Variants in MAP4K5 observed in about 807,000 individuals in gnomAD.
MAP4K5 encodes MAPK/ERK kinase kinase kinase 5.
A neutral mutation model predicts 135.6 loss-of-function variants in MAP4K5; 82 were observed. That is an observed-to-expected ratio of 0.60 (90% confidence interval 0.51 to 0.73). The LOEUF (loss-of-function observed/expected upper bound fraction) is 0.73, where lower values mean the gene tolerates loss of function less well. Ranked by LOEUF, MAP4K5 falls within the 30% of genes least tolerant of loss-of-function variation. The pLI is 0.00. For missense variants in MAP4K5, 907 were observed against 1,010.9 expected (o/e 0.90, Z 1.39); for synonymous variants, 347 against 335.0 (o/e 1.04, Z -0.39).
rs146342006 is a variant in MAP4K5 at position 50,443,687 on chromosome 14, A to C, written c.1479+42T>G. ...AGCCAATATATTGCTGCTTCTAAAG[A>C]GAGAAAAAACGGCAAATAGTTCACA... On this transcript the variant is annotated intron_variant, in intron 20 of 32. Transcript: ENST00000682126. 4 of 1,529,156 alleles carry C rather than the reference A, an allele frequency of 2.6e-6. No individual in the cohort carries two copies. In the African/African-American group the frequency reaches 5.6e-5, roughly 21 times the overall value. 94.7% of individuals were successfully genotyped at this position (1,529,156 alleles called of 1,614,324 possible). A position where few individuals can be genotyped will look rare whatever the true frequency, so the allele number is the denominator to read the frequency against.
intron 14 of MAP4K5, among the ~76,000 whole-genome samples, chr14:50,455,320 C>T (rs1299519933): frequency 1.3e-5 from 2 of 151,730 alleles, no homozygotes; most frequent in Non-Finnish European, 2.9e-5. Context: ...ACACAAAACC[C>T]AAAACTATAC....
chr14:50,556,617 T>C (rs1023906697), intron 1 of MAP4K5, among the ~76,000 whole-genome samples: 1 of 152,186 alleles, frequency 6.6e-6, no homozygotes, highest in Non-Finnish European at 1.5e-5. Context: ...TCATACTCAT[T>C]AGCAGTCACT....
chr14:50,492,136 C>T (rs1403890535), intron 3 of MAP4K5, among the ~76,000 whole-genome samples: 1 of 152,062 alleles, frequency 6.6e-6, no homozygotes, highest in Non-Finnish European at 1.5e-5. Flanking sequence ...AAATTATTAA[C>T]GTGATGCTTC....
At chr14:50,420,298 T>C (rs1407494734) in intron 32 of MAP4K5, among the ~76,000 whole-genome samples, 192 bp from the exon 33 acceptor site, 6 of 152,170 alleles carry the variant, frequency 3.9e-5, no homozygotes, top group African/African-American at 1.4e-4. Flanking sequence ...ATATAAAATA[T>C]TGAAGACATT....
chr14:50,465,275 TA>T (rs1566658633), intron 11 of MAP4K5, among the ~76,000 whole-genome samples: 1 of 152,132 alleles, frequency 6.6e-6, no homozygotes, highest in African/African-American at 2.4e-5. Flanking sequence ...AAAATGGATA[TA>T]CATACAGAAT....
At chr14:50,484,280 G>A (rs1330177342) in intron 5 of MAP4K5, among the ~76,000 whole-genome samples, 3 of 152,142 alleles carry the variant, frequency 2.0e-5, no homozygotes, top group Non-Finnish European at 2.9e-5. Flanking sequence ...TAATAAAGAG[G>A]TAGTGATCAG....
intron 2 of MAP4K5, among the ~76,000 whole-genome samples, chr14:50,526,032 T>TC (rs1489649432): frequency 6.6e-6 from 1 of 152,194 alleles, no homozygotes; most frequent in Admixed American, 6.5e-5. Flanking sequence ...TGCAGATCTC[T>TC]CAAAACTCAT....
intron 13 of MAP4K5, among the ~76,000 whole-genome samples, chr14:50,460,497 T>C (rs754656524): frequency 6.6e-6 from 1 of 152,198 alleles, no homozygotes; most frequent in Non-Finnish European, 1.5e-5. Context: ...AATTGGAGAA[T>C]AGAGTAATAT....
chr14:50,441,797 C>CACACACACACACACACACAT (rs1491145074), intron 21 of MAP4K5, among the ~76,000 whole-genome samples: 1 of 132,520 alleles, frequency 7.5e-6, no homozygotes, highest in African/African-American at 3.1e-5. Context: ...CACACACACA[C>CACACACACACACACACACAT]ATATATATAC....
At chr14:50,440,339 C>A (rs1356269465) in intron 22 of MAP4K5, 23 bp downstream of exon 22, 2 of 1,472,834 alleles carry the variant, frequency 1.4e-6, no homozygotes, top group Admixed American at 1.8e-5. Context: ...AAATTAATTT[C>A]TTGAATTAAA....
At chr14:50,442,506 G>T (rs2036251424) in intron 21 of MAP4K5, among the ~76,000 whole-genome samples, 1 of 152,022 alleles carries the variant, frequency 6.6e-6, no homozygotes, top group Non-Finnish European at 1.5e-5. Flanking sequence ...GCAATCAGTT[G>T]TGATTTCTCT....
rs1175584302 is a variant in MAP4K5, at chr14:50,466,627, T to G, written c.693A>C (p.Ser231=). Residue 231 remains serine (S), a synonymous_variant, in exon 11 of 33, where the codon TCA becomes TCC. Coordinates refer to ENST00000682126, the MANE Select transcript of MAP4K5 (RefSeq NM_006575.6). ...GTTTTGGAGGCTGAAAATTACTTTT[T>G]GACATTAAGAAGAGAGCCCTGAAAT... ...LHPMRALFLM[S]KSNFQPPKLK... The G allele has an allele frequency of 4.1e-6, 6 of 1,453,092 alleles. No individual in the cohort carries two copies. Among genetic ancestry groups the G allele is most frequent in the Non-Finnish European group, 5.7e-6 (6 of 1,058,474 alleles). 90.0% of individuals were successfully genotyped at this position (1,453,092 alleles called of 1,614,324 possible).
At chr14:50,466,336 C>A (rs1262156530) in intron 11 of MAP4K5, among the ~76,000 whole-genome samples, 1 of 131,972 alleles carries the variant, frequency 7.6e-6, no homozygotes, top group Non-Finnish European at 1.5e-5. Flanking sequence ...GAGTTATGAT[C>A]ATGACACTGC....
upstream of MAP4K5, chr14:50,532,911 A>T (rs2038436511): frequency 6.6e-6 from 1 of 152,322 alleles, no homozygotes; most frequent in Non-Finnish European, 1.5e-5. Context: ...AAGAAGGGCG[A>T]TGGGAACGTA....
At chr14:50,428,874 T>C (rs1042776991) in intron 29 of MAP4K5, 120 bp from the exon 30 acceptor site, 25 of 659,312 alleles carry the variant, frequency 3.8e-5, no homozygotes, top group Non-Finnish European at 5.7e-5. Flanking sequence ...CAACTATTTA[T>C]CTTGAGTCAG....
intron 18 of MAP4K5, among the ~76,000 whole-genome samples, chr14:50,444,779 T>A (rs2036305605): frequency 6.6e-6 from 1 of 152,160 alleles, no homozygotes; most frequent in Non-Finnish European, 1.5e-5. Context: ...AAACATGCAT[T>A]CACCCTTCTA....
chr14:50,446,818 T>C (rs1187728138), intron 16 of MAP4K5, among the ~76,000 whole-genome samples: 1 of 152,226 alleles, frequency 6.6e-6, no homozygotes, highest in Non-Finnish European at 1.5e-5. Flanking sequence ...ATACATAAAC[T>C]AATAAGCATA....
chr14:50,485,715 C>T (rs2037349420), intron 4 of MAP4K5, 73 bp from the exon 5 acceptor site: 8 of 880,680 alleles, frequency 9.1e-6, no homozygotes, highest in Non-Finnish European at 1.3e-5. Context: ...GGCTCTCACT[C>T]TTTAGCACAC....
chr14:50,512,175 G>C (rs1448617277), intron 2 of MAP4K5, among the ~76,000 whole-genome samples: 1 of 152,050 alleles, frequency 6.6e-6, no homozygotes, highest in Admixed American at 6.6e-5. Flanking sequence ...TATGTACTAT[G>C]TGCTTTATTA....
Sources: gnomAD v4.1 joint callset for allele counts (sites outside exome capture counted in the v4.1 genomes callset) on GRCh38, gnomAD v4.1.1 for gene constraint, MANE v1.5 for transcripts, NCBI Gene and HGNC (gene_info 2026-07-23, HGNC 2026-07-21) for gene names.